C12orf57: variants seen among roughly 807,000 people sequenced by gnomAD.
The protein encoded by C12orf57 is protein C10.
C12orf57 carries 14 observed loss-of-function variants against 11.3 expected under a neutral mutation model. The observed-to-expected ratio is 1.24, with a 90% CI of 0.82 to 1.94. The LOEUF (loss-of-function observed/expected upper bound fraction) is 1.94. Among genes scored for constraint, C12orf57 ranks in the 30% most tolerant of loss-of-function variants. The pLI, the probability that C12orf57 is intolerant of heterozygous loss-of-function variation, is 0.00. For missense variants in C12orf57, 229 were observed against 172.4 expected (o/e 1.33, Z -1.84); for synonymous variants, 100 against 74.6 (o/e 1.34, Z -1.76).
At chr12:6,943,621 C>G (rs1047156925), upstream of C12orf57, 49 of 1,289,532 alleles carry the variant, frequency 3.8e-5, no homozygotes, top group Admixed American at 6.9e-5. Flanking sequence ...TTTGCATGGG[C>G]TGAGAACAAA....
Position 6,944,592 on chromosome 12 carries a change from G to C in C12orf57, c.169G>C (p.Val57Leu), listed in dbSNP as rs376090183. 1 of 1,614,198 alleles carries C rather than the reference G, an allele frequency of 6.2e-7. No individual in the cohort carries two copies. The highest frequency in any genetic ancestry group is 1.1e-5 in the South Asian group (1 of 91,092). ...TAAGATGCTGCAATTCGTGCTGCCC[G>C]TGGCCACGCAGATCCAGCAGGAGGT... The part of the protein sequence containing the change: ...MGKMLQFVLP[V>L]ATQIQQEVIK... The change falls in exon 2 of 3, where the codon GTG (valine) becomes CTG (leucine). Residue 57 changes from valine (V) to leucine (L), a missense_variant. Transcript: ENST00000229281.
At chr12:6,943,967 G>GGGTAT, upstream of C12orf57, 1 of 1,549,194 alleles carries the variant, frequency 6.5e-7, no homozygotes, top group South Asian at 1.2e-5. Flanking sequence ...TGTAAGCTTG[G>GGGTAT]GGTATGAAGG....
chr12:6,944,321 C>G (rs1033033624), intron 1 of C12orf57, 148 bp downstream of exon 1: 2 of 1,571,910 alleles, frequency 1.3e-6, no homozygotes, highest in Admixed American at 3.7e-5. Context: ...CGCCGGGTAC[C>G]GTCCTTCTAA....
chr12:6,945,724 C>T (rs782066995), intron 2 of C12orf57, 47 bp from the exon 3 acceptor site: 9 of 1,597,528 alleles, frequency 5.6e-6, no homozygotes, highest in Non-Finnish European at 6.8e-6. Context: ...GTGTCTTAGG[C>T]ACGCTGGTCC....
chr12:6,943,533 C>G (rs1555145301), upstream of C12orf57: 4 of 1,287,572 alleles, frequency 3.1e-6, no homozygotes, highest in African/African-American at 1.5e-5. Flanking sequence ...CCTTTACTGC[C>G]GAATCCAGGT....
chr12:6,945,601 C>T (rs1274172700), intron 2 of C12orf57, among the ~76,000 whole-genome samples, 170 bp from the exon 3 acceptor site: 1 of 152,076 alleles, frequency 6.6e-6, no homozygotes, highest in Non-Finnish European at 1.5e-5. Context: ...CCAGTGTAGA[C>T]CAAATGTCAT....
Position 6,944,093 on chromosome 12 carries a change from T to G in C12orf57, c.-29T>G, listed in dbSNP as rs781833477. On this transcript the variant is annotated 5_prime_UTR_variant, in exon 1 of 3. Transcript: ENST00000229281. ...TTTATTCGTGAGTTTTCCATTTACC[T>G]CCGCTGAACCTAGAGCTTCAGACGC... The G allele has an allele frequency of 6.8e-6, 11 of 1,613,942 alleles. No homozygotes were observed. In the East Asian group the frequency reaches 1.1e-4, roughly 16 times the overall value.
At chr12:6,943,739 A>G (rs1945687301), upstream of C12orf57, 2 of 1,217,956 alleles carry the variant, frequency 1.6e-6, no homozygotes, top group Admixed American at 3.2e-5. Flanking sequence ...TAGGAACAAG[A>G]AAAAAGTCAC....
intron 2 of C12orf57, chr12:6,944,899 G>A (rs1157880618): frequency 8.0e-6 from 11 of 1,383,268 alleles, no homozygotes; most frequent in African/African-American, 1.5e-5. Flanking sequence ...AAGTGTTTCG[G>A]GTTTTTTCAG....
rs1555146033 is a variant in C12orf57 at position 6,944,568 on chromosome 12, A to T, written c.145A>T (p.Lys49Ter). The change falls in exon 2 of 3, where the codon AAG becomes TAG. Residue 49 changes from lysine (K) to a stop codon, truncating the protein, a stop_gained. Coordinates refer to ENST00000229281, the MANE Select transcript of C12orf57 (RefSeq NM_138425.4). LOFTEE classifies it high-confidence loss of function. ...GGATAACGCCTGCAACGACATGGGTAAGATGCTGCAATTCGTGCTGCCCGT... is the reference window on the plus strand; with the variant it reads ...GGATAACGCCTGCAACGACATGGGTTAGATGCTGCAATTCGTGCTGCCCGT... Reference protein sequence around the residue: ...ARDNACNDMGKMLQFVLPVAT... With the variant: ...ARDNACNDMG 6.2e-7 allele frequency: 1 copy of T among 1,614,178 alleles called. No individual in the cohort carries two copies. Among genetic ancestry groups the T allele is most frequent in the Admixed American group, 1.7e-5 (1 of 60,026 alleles).
upstream of C12orf57, chr12:6,943,876 C>CT: frequency 1.0e-6 from 1 of 982,394 alleles, no homozygotes; most frequent in South Asian, 1.7e-5. Context: ...CCGGAAAGCC[C>CT]CTCTTATGAT....
At chr12:6,943,944 G>A (rs782323046), upstream of C12orf57, 65 of 1,446,488 alleles carry the variant, frequency 4.5e-5, 1 homozygote, top group African/African-American at 3.7e-4. Flanking sequence ...AGTTTTGGTG[G>A]TCTTGATGCA....
chr12:6,943,701 A>T (rs1329498070), upstream of C12orf57: 24 of 1,280,722 alleles, frequency 1.9e-5, no homozygotes, highest in Non-Finnish European at 2.1e-5. Context: ...ACTGAAAGTT[A>T]CCACATGCGT....
intron 1 of C12orf57, 78 bp downstream of exon 1, chr12:6,944,251 C>A: frequency 6.2e-7 from 1 of 1,609,202 alleles, no homozygotes; most frequent in East Asian, 2.2e-5. Flanking sequence ...GGGGAGGATG[C>A]GGGCGGAGGA....
At chr12:6,945,209 T>C (rs1945771596) in intron 2 of C12orf57, 1 of 195,106 alleles carries the variant, frequency 5.1e-6, no homozygotes, top group Admixed American at 5.3e-5. Flanking sequence ...GTTAATCACA[T>C]TATTATTCCA....
At position 6,944,136 on chromosome 12, in the gene C12orf57, G is replaced by T. The variant is rs144652065; in HGVS notation, c.15G>T (p.Ser5=). The change falls in exon 1 of 3, where the codon TCG becomes TCT. Residue 5 remains serine (S), a synonymous_variant. Coordinates refer to ENST00000229281, the MANE Select transcript of C12orf57 (RefSeq NM_138425.4). MASA[S]TQPAALSAEQ... ...TCAGACGCCCTATGGCGTCCGCCTC[G>T]ACCCAACCGGCGGCCTTGAGCGCTG... is the stretch of plus-strand genomic sequence containing the variant. 9.3e-6 allele frequency: 15 copies of T among 1,614,064 alleles called. No homozygotes were observed. The highest frequency in any genetic ancestry group is 3.3e-5 in the South Asian group (3 of 91,058).
At chr12:6,944,224 G>A in intron 1 of C12orf57, 51 bp downstream of exon 1, 1 of 1,613,792 alleles carries the variant, frequency 6.2e-7, no homozygotes, top group South Asian at 1.1e-5. Context: ...GGTAGTCAAG[G>A]CATGGGCTGC....
chr12:6,943,966 G>GGGGTAT, upstream of C12orf57: 1 of 1,544,832 alleles, frequency 6.5e-7, no homozygotes. Flanking sequence ...TTGTAAGCTT[G>GGGGTAT]GGGTATGAAG....
Position 6,944,507 on chromosome 12 carries a change from C to T in C12orf57, c.84C>T (p.Ser28=), listed in dbSNP as rs782768504. 3.1e-6 allele frequency: 5 copies of T among 1,613,312 alleles called. No homozygotes were observed. The part of the protein sequence containing the change: ...VVLAEVIQAF[S]APENAVRMDE... ...TCGCGGAGGTGATCCAGGCGTTCTC[C>T]GCCCCGGAGAATGCAGTGCGCATGG... Residue 28 remains serine (S), a synonymous_variant, in exon 2 of 3, where the codon TCC becomes TCT. Coordinates refer to ENST00000229281, the MANE Select transcript of C12orf57 (RefSeq NM_138425.4).
Sources: gnomAD v4.1 joint callset for allele counts (sites outside exome capture counted in the v4.1 genomes callset) on GRCh38, gnomAD v4.1.1 for gene constraint, MANE v1.5 for transcripts, NCBI Gene and HGNC (gene_info 2026-07-23, HGNC 2026-07-21) for gene names.